G6PC2: variants seen among roughly 807,000 people sequenced by gnomAD.
G6PC2 encodes the protein glucose-6-phosphatase catalytic subunit 2.
G6PC2 carries 41 observed loss-of-function variants against 35.4 expected under a neutral mutation model. That is an observed-to-expected ratio of 1.16 (90% CI 0.90 to 1.50). The LOEUF is 1.50. Among genes scored for constraint, G6PC2 ranks in the 40% most tolerant of loss-of-function variants. The pLI, the probability that G6PC2 is intolerant of heterozygous loss-of-function variation, is 0.00. For synonymous variants in G6PC2, 165 were observed against 153.2 expected, an observed-to-expected ratio of 1.08 and a Z score of -0.57; for missense variants, 441 against 426.5, an observed-to-expected ratio of 1.03 and a Z score of -0.30.
At chr2:168,904,829 T>C (rs972007872) in intron 3 of G6PC2, among the ~76,000 whole-genome samples, 1 of 152,244 alleles carries the variant, frequency 6.6e-6, no homozygotes, top group African/African-American at 2.4e-5. Context: ...ACTTTTCAAG[T>C]TGGAAATGTT....
intron 4 of G6PC2, among the ~76,000 whole-genome samples, chr2:168,907,114 C>G (rs1022535652): frequency 3.3e-5 from 5 of 152,184 alleles, no homozygotes; most frequent in African/African-American, 1.2e-4. Flanking sequence ...ACTCTGAGCC[C>G]TGCACACTGT....
At position 168,901,387 on chromosome 2, in the gene G6PC2, A is replaced by G. The variant is rs1215685943; in HGVS notation, c.56A>G (p.Tyr19Cys). 3 of 1,605,080 alleles carry G rather than the reference A, an allele frequency of 1.9e-6. No homozygotes were observed. Among genetic ancestry groups the G allele is most frequent in the East Asian group, 2.2e-5 (1 of 44,836 alleles). ...ATAATTCAGCATTTGCAGAAGGACT[A>G]CCGAGCTTACTACACTTTTCTAAAT... ...VLIIQHLQKDYRAYYTFLNFM... is the reference protein window; with the variant it reads ...VLIIQHLQKDCRAYYTFLNFM... The change falls in exon 1 of 5, where the codon TAC becomes TGC. Residue 19 changes from tyrosine to cysteine, a missense_variant. Coordinates refer to ENST00000375363, the MANE Select transcript of G6PC2 (RefSeq NM_021176.3).
Position 168,907,733 on chromosome 2 carries a change from A to G in G6PC2, c.722A>G (p.Lys241Arg), listed in dbSNP as rs1043706366. 2.1e-5 allele frequency: 34 copies of G among 1,614,010 alleles called. No individual in the cohort carries two copies. The highest frequency in any genetic ancestry group is 2.6e-5 in the Non-Finnish European group (31 of 1,180,016). Residue 241 changes from lysine (K) to arginine (R), a missense_variant, in exon 5 of 5, where the codon AAG becomes AGG. Lys to Arg is a conservative substitution (Grantham distance 26). Coordinates refer to ENST00000375363, the MANE Select transcript of G6PC2 (RefSeq NM_021176.3). ...DLLWSVPIAK[K>R]WCANPDWIHI... is the part of the protein sequence containing the mutation. ...CTGTGGTCCGTGCCCATAGCCAAAA[A>G]GTGGTGTGCTAACCCCGACTGGATC... is the stretch of plus-strand genomic sequence containing the variant.
rs1574379305 is a variant in G6PC2, at chr2:168,909,486, A to T, written c.*1407A>T. 1 of 152,242 alleles carries T rather than the reference A, an allele frequency of 6.6e-6. No homozygotes were observed. 9.4% of individuals were successfully genotyped at this position (152,242 alleles called of 1,614,324 possible). A position where few individuals can be genotyped will look rare whatever the true frequency, so the allele number is the denominator to read the frequency against. On this transcript the variant is annotated 3_prime_UTR_variant, in exon 5 of 5. Transcript: ENST00000375363. ...CCCAGGCCAACTATTAAATGCTTGCATCTGTTAGCTGGATTAGTCTCTATG... is the reference window on the plus strand; with the variant it reads ...CCCAGGCCAACTATTAAATGCTTGCTTCTGTTAGCTGGATTAGTCTCTATG...
At chr2:168,901,933 T>C (rs1031608998) in intron 1 of G6PC2, among the ~76,000 whole-genome samples, 10 of 151,970 alleles carry the variant, frequency 6.6e-5, no homozygotes, top group African/African-American at 1.2e-4. Flanking sequence ...ACAGGGTTTC[T>C]CTATGTTGGT....
intron 3 of G6PC2, 108 bp from the exon 4 acceptor site, chr2:168,906,556 T>C: frequency 1.3e-6 from 1 of 746,278 alleles, no homozygotes; most frequent in Non-Finnish European, 2.5e-6. Context: ...TGATGCTATG[T>C]CACAGTTAGA....
chr2:168,902,939 T>A (rs1690630847), intron 2 of G6PC2: 1 of 285,346 alleles, frequency 3.5e-6, no homozygotes, highest in Non-Finnish European at 6.7e-6. Flanking sequence ...TTACTATAGG[T>A]CTTCCGAGTA....
chr2:168,904,612 C>T lies in G6PC2; in HGVS notation c.436C>T (p.His146Tyr). Residue 146 changes from histidine to tyrosine, a missense_variant, in exon 3 of 5, where the codon CAC becomes TAC. His to Tyr is a moderately conservative substitution (Grantham distance 83). Coordinates refer to ENST00000375363, the MANE Select transcript of G6PC2 (RefSeq NM_021176.3). ...GATGGATAAGTTCTCTATCACTCTG[C>T]ACAGGTCAGCTTTGCTGCAGTTTCT... ...CGMDKFSITL[H>Y]RLTWSFLWSV... is the part of the protein sequence containing the mutation. 1 of 1,537,954 alleles carries T rather than the reference C, an allele frequency of 6.5e-7. No individual in the cohort carries two copies. The highest frequency in any genetic ancestry group is 9.0e-7 in the Non-Finnish European group (1 of 1,110,366).
Position 168,907,574 on chromosome 2 carries a change from TGGTGGCA to T in G6PC2, c.565_571del (p.Val189ArgfsTer18). On this transcript the variant is annotated frameshift_variant, in exon 5 of 5. Coordinates refer to ENST00000375363, the MANE Select transcript of G6PC2 (RefSeq NM_021176.3). LOFTEE classifies it high-confidence loss of function. The stretch of plus-strand genomic sequence containing the variant: ...GTCTCTTTCCAATCCTCAGGCATGC[TGGTGGCA>T]GAGGCCTTTGAACACACTCCAGGCA... 6.2e-7 allele frequency: 1 copy of T among 1,613,986 alleles called. No homozygotes were observed. Among genetic ancestry groups the T allele is most frequent in the Non-Finnish European group, 8.5e-7 (1 of 1,179,872 alleles).
Position 168,909,589 on chromosome 2 carries a change from A to G in G6PC2, c.*1510A>G, listed in dbSNP as rs1288074925. ...ATGGACTATTAATATTATATTAACAATTTCTCAGTAAGTGTGTTTTTTCCT... is the reference window on the plus strand; with the variant it reads ...ATGGACTATTAATATTATATTAACAGTTTCTCAGTAAGTGTGTTTTTTCCT... On this transcript the variant is annotated 3_prime_UTR_variant, in exon 5 of 5. Coordinates refer to ENST00000375363, the MANE Select transcript of G6PC2 (RefSeq NM_021176.3). 6.6e-6 allele frequency: 1 copy of G among 152,080 alleles called. No homozygotes were observed. The highest frequency in any genetic ancestry group is 1.5e-5 in the Non-Finnish European group (1 of 68,030). 9.4% of individuals were successfully genotyped at this position (152,080 alleles called of 1,614,324 possible). A position where few individuals can be genotyped will look rare whatever the true frequency, so the allele number is the denominator to read the frequency against.
chr2:168,906,740 A>G lies in G6PC2; in HGVS notation c.517A>G (p.Thr173Ala). The change falls in exon 4 of 5, where the codon ACA becomes GCA. Residue 173 changes from threonine (T) to alanine (A), a missense_variant. Transcript: ENST00000375363. ...SVCISRVFIA[T>A]HFPHQVILGV... is the part of the protein sequence containing the mutation. ...CTGCATCTCCAGAGTATTCATAGCA[A>G]CACATTTTCCTCATCAAGTTATTCT... is the stretch of plus-strand genomic sequence containing the variant. The G allele has an allele frequency of 6.3e-7, 1 of 1,598,070 alleles. No individual in the cohort carries two copies. Among genetic ancestry groups the G allele is most frequent in the Non-Finnish European group, 8.6e-7 (1 of 1,165,360 alleles).
In G6PC2 at chr2:168,908,067, GAA is replaced by G. The variant is rs768454510; in HGVS notation, c.1057_1058del (p.Lys353GlufsTer27). 2 of 1,613,192 alleles carry G rather than the reference GAA, an allele frequency of 1.2e-6. No homozygotes were observed. Among genetic ancestry groups the G allele is most frequent in the African/African-American group, 2.7e-5 (2 of 75,028 alleles). On this transcript the variant is annotated frameshift_variant, in exon 5 of 5. Coordinates refer to ENST00000375363, the MANE Select transcript of G6PC2 (RefSeq NM_021176.3). LOFTEE classifies it high-confidence loss of function. ...VHMLMKQSGK[K>X]SQ ...ATATGTTAATGAAACAAAGCGGAAA[GAA>G]GAGTCAGTAGAGTGGTGCCTAGAGT...
At chr2:168,902,669 G>A in intron 2 of G6PC2, 115 bp downstream of exon 2, 1 of 719,926 alleles carries the variant, frequency 1.4e-6, no homozygotes, top group Non-Finnish European at 2.6e-6. Flanking sequence ...TCTCATGAGT[G>A]AGGATGCTAA....
chr2:168,907,758 C>A lies in G6PC2; in HGVS notation c.747C>A (p.Ile249=). 1 of 1,614,064 alleles carries A rather than the reference C, an allele frequency of 6.2e-7. No individual in the cohort carries two copies. Among genetic ancestry groups the A allele is most frequent in the Non-Finnish European group, 8.5e-7 (1 of 1,179,952 alleles). ...AGTGGTGTGCTAACCCCGACTGGAT[C>A]CACATTGACACCACGCCTTTTGCTG... is the stretch of plus-strand genomic sequence containing the variant. ...AKKWCANPDW[I]HIDTTPFAGL... Residue 249 remains isoleucine, a synonymous_variant, in exon 5 of 5, where the codon ATC becomes ATA. Coordinates refer to ENST00000375363, the MANE Select transcript of G6PC2 (RefSeq NM_021176.3).
chr2:168,904,667 C>T (rs374254395), intron 3 of G6PC2, 51 bp downstream of exon 3: 2 of 961,634 alleles, frequency 2.1e-6, no homozygotes, highest in South Asian at 1.3e-5. Context: ...GTTTTTAATA[C>T]AGAAAGTCTT....
At position 168,907,562 on chromosome 2, in the gene G6PC2, C is replaced by A. The variant is rs1443864848; in HGVS notation, c.557-6C>A. 6.2e-7 allele frequency: 1 copy of A among 1,613,636 alleles called. No individual in the cohort carries two copies. The highest frequency in any genetic ancestry group is 8.5e-7 in the Non-Finnish European group (1 of 1,179,654). On this transcript the variant is annotated splice_region_variant and splice_polypyrimidine_tract_variant and intron_variant, in intron 4 of 4. Coordinates refer to ENST00000375363, the MANE Select transcript of G6PC2 (RefSeq NM_021176.3). ...GTCATTGTCAGTGTCTCTTTCCAAT[C>A]CTCAGGCATGCTGGTGGCAGAGGCC...
intron 2 of G6PC2, 38 bp downstream of exon 2, chr2:168,902,592 T>C: frequency 1.2e-6 from 1 of 844,780 alleles, no homozygotes; most frequent in Non-Finnish European, 2.1e-6. Context: ...CTGAAGATCT[T>C]CCAATAGAGA....
rs780943361 is a variant in G6PC2 at position 168,901,450 on chromosome 2, T to C, written c.119T>C (p.Phe40Ser). The C allele has an allele frequency of 6.3e-7, 1 of 1,597,880 alleles. No homozygotes were observed. Among genetic ancestry groups the C allele is most frequent in the Middle Eastern group, 1.7e-4 (1 of 6,030 alleles). The change falls in exon 1 of 5, where the codon TTC (phenylalanine) becomes TCC (serine). Residue 40 changes from phenylalanine to serine, a missense_variant. Physicochemically the swap from Phe to Ser is radical, Grantham distance 155. Coordinates refer to ENST00000375363, the MANE Select transcript of G6PC2 (RefSeq NM_021176.3). ...GTTGGAGACCCCAGGAATATCTTTT[T>C]CATTTATTTTCCACTTTGTTTTCAA... ...SNVGDPRNIF[F>S]IYFPLCFQFN...
At chr2:168,906,868 C>A in intron 4 of G6PC2, 89 bp downstream of exon 4, 1 of 803,630 alleles carries the variant, frequency 1.2e-6, no homozygotes, top group Non-Finnish European at 2.2e-6. Flanking sequence ...CGGTAATCAA[C>A]TTTCCAATTT....
Sources: allele counts gnomAD v4.1 joint callset (sites outside exome capture counted in the v4.1 genomes callset), GRCh38; gene constraint gnomAD v4.1.1; transcripts MANE v1.5; gene names NCBI Gene and HGNC (gene_info 2026-07-23, HGNC 2026-07-21).